The following CMSS1 variants were observed in gnomAD, a reference collection of about 807,000 sequenced individuals.
CMSS1 encodes cms1 ribosomal small subunit homolog, also known as protein CMSS1.
CMSS1 carries 33 observed loss-of-function variants against 43.5 expected under a neutral mutation model. That is an observed-to-expected ratio of 0.76 (90% CI 0.57 to 1.01). The LOEUF (loss-of-function observed/expected upper bound fraction) is 1.01. Ranked by LOEUF, CMSS1 falls within the 50% of genes least tolerant of loss-of-function variation. The pLI is 0.00. For synonymous variants in CMSS1, 115 were observed against 117.2 expected, an observed-to-expected ratio of 0.98 and a Z score of 0.12; for missense variants, 313 against 326.4, an observed-to-expected ratio of 0.96 and a Z score of 0.32.
intron 1 of CMSS1, among the ~76,000 whole-genome samples, chr3:99,915,238 T>C (rs1706915568): frequency 6.6e-6 from 1 of 152,222 alleles, no homozygotes; most frequent in Admixed American, 6.5e-5. Context: ...GAGAGATTAA[T>C]GGAAAATAAT....
intron 1 of CMSS1, among the ~76,000 whole-genome samples, chr3:99,929,031 A>G (rs983749230): frequency 1.3e-5 from 2 of 152,224 alleles, no homozygotes; most frequent in African/African-American, 4.8e-5. Context: ...GCCAGAGTTT[A>G]TTTGAGGGAA....
At chr3:99,951,144 T>C (rs1451955388) in intron 1 of CMSS1, among the ~76,000 whole-genome samples, 1 of 152,214 alleles carries the variant, frequency 6.6e-6, no homozygotes, top group African/African-American at 2.4e-5. Context: ...TGCTCACTGC[T>C]TGGGCCTCTT....
At chr3:100,134,626 C>G (rs949767467) in intron 1 of CMSS1, among the ~76,000 whole-genome samples, 2 of 152,030 alleles carry the variant, frequency 1.3e-5, no homozygotes, top group Non-Finnish European at 2.9e-5. Context: ...CCAAGGCAAA[C>G]CAGGATATAT....
At chr3:100,171,779 A>G in intron 6 of CMSS1, 60 bp from the exon 7 acceptor site, 1 of 1,274,054 alleles carries the variant, frequency 7.8e-7, no homozygotes, top group Non-Finnish European at 1.1e-6. Flanking sequence ...ATACTTAAGT[A>G]GTCATCGTGG....
chr3:100,122,905 T>G (rs73144468), intron 1 of CMSS1, among the ~76,000 whole-genome samples: 4,534 of 152,316 alleles, frequency 0.03, 134 homozygotes, highest in East Asian at 0.17. Context: ...GATGGCCTTC[T>G]TTACAAAAAA....
intron 1 of CMSS1, among the ~76,000 whole-genome samples, chr3:99,851,686 A>G (rs775592356): frequency 6.6e-6 from 1 of 152,214 alleles, no homozygotes; most frequent in Non-Finnish European, 1.5e-5. Flanking sequence ...AAAGTGTTCA[A>G]TTAATGTTTG....
intron 1 of CMSS1, among the ~76,000 whole-genome samples, chr3:99,929,675 G>A (rs1249669228): frequency 6.6e-6 from 1 of 152,138 alleles, no homozygotes; most frequent in African/African-American, 2.4e-5. Context: ...GACGCATCCT[G>A]TCTATGGTTC....
At chr3:99,981,375 T>C (rs541304161) in intron 1 of CMSS1, among the ~76,000 whole-genome samples, 1 of 152,314 alleles carries the variant, frequency 6.6e-6, no homozygotes, top group African/African-American at 2.4e-5. Flanking sequence ...CCATCTGGCT[T>C]CTGTGGGATC....
intron 1 of CMSS1, among the ~76,000 whole-genome samples, chr3:100,043,226 A>G (rs1386530637): frequency 6.6e-6 from 1 of 152,230 alleles, no homozygotes; most frequent in Non-Finnish European, 1.5e-5. Flanking sequence ...GTTGTGCCTT[A>G]TCTGCTCTCT....
chr3:100,021,797 TCC>T (rs1341940252), intron 1 of CMSS1, among the ~76,000 whole-genome samples: 2 of 152,146 alleles, frequency 1.3e-5, no homozygotes, highest in African/African-American at 4.8e-5. Flanking sequence ...GCTTTAGATA[TCC>T]CCTAAATGAT....
chr3:100,108,190 A>G (rs949067659), intron 1 of CMSS1, among the ~76,000 whole-genome samples: 1 of 152,146 alleles, frequency 6.6e-6, no homozygotes, highest in South Asian at 2.1e-4. Context: ...CAGGGAATCC[A>G]AAGTTTTGTG....
In CMSS1 at chr3:100,180,027, A is replaced by G. The variant is rs2067175077; in HGVS notation, c.*1639A>G. The G allele has an allele frequency of 6.6e-6, 1 of 152,396 alleles. No homozygotes were observed. The highest frequency in any genetic ancestry group is 6.5e-5 in the Admixed American group (1 of 15,294). The allele number at this position is 152,396 out of a possible 1,614,324, so 9.4% of individuals were successfully genotyped here. A position where few individuals can be genotyped will look rare whatever the true frequency, so the allele number is the denominator to read the frequency against. ...CTTGGGGCTTGCACCCTCTGAAGCA[A>G]TGGTTCAGCTGTACCTTGGCCCCTT... On this transcript the variant is annotated 3_prime_UTR_variant, in exon 10 of 10. Coordinates refer to ENST00000421999, the MANE Select transcript of CMSS1 (RefSeq NM_032359.4).
At chr3:99,894,332 T>C (rs1238121454) in intron 1 of CMSS1, among the ~76,000 whole-genome samples, 1 of 152,222 alleles carries the variant, frequency 6.6e-6, no homozygotes, top group African/African-American at 2.4e-5. Context: ...CATTTGTTCA[T>C]CTGTTGTGGG....
At chr3:100,101,033 A>C (rs1003387907) in intron 1 of CMSS1, among the ~76,000 whole-genome samples, 2 of 152,282 alleles carry the variant, frequency 1.3e-5, no homozygotes, top group East Asian at 3.9e-4. Context: ...GTAGGATAGC[A>C]GCCTTCAGAT....
At chr3:99,994,213 G>A (rs185936891) in intron 1 of CMSS1, among the ~76,000 whole-genome samples, 1 of 152,220 alleles carries the variant, frequency 6.6e-6, no homozygotes, top group East Asian at 1.9e-4. Context: ...TAGGTTTTGT[G>A]TTTCCAGCAT....
chr3:100,098,260 G>A (rs941307171), intron 1 of CMSS1, among the ~76,000 whole-genome samples: 1 of 152,216 alleles, frequency 6.6e-6, no homozygotes, highest in Non-Finnish European at 1.5e-5. Context: ...ATAAGCTTCA[G>A]TAGAAGGAGG....
chr3:99,984,414 T>A (rs12496041), intron 1 of CMSS1, among the ~76,000 whole-genome samples: 26,096 of 152,172 alleles, frequency 0.17, 2,275 homozygotes, highest in South Asian at 0.2. Context: ...GAGGCACCAG[T>A]TAGTCTGCAT....
chr3:100,030,644 C>T (rs1172276493), intron 1 of CMSS1, among the ~76,000 whole-genome samples: 1 of 152,144 alleles, frequency 6.6e-6, no homozygotes, highest in Admixed American at 6.6e-5. Flanking sequence ...CATGAGTAAT[C>T]ATTGTCCCCA....
chr3:99,909,832 G>A (rs1430475643), intron 1 of CMSS1, among the ~76,000 whole-genome samples: 1 of 152,104 alleles, frequency 6.6e-6, no homozygotes, highest in Non-Finnish European at 1.5e-5. Context: ...AAATTGCATG[G>A]AGAGTAGGTG....
Sources: gnomAD v4.1 joint callset for allele counts (sites outside exome capture counted in the v4.1 genomes callset) on GRCh38, gnomAD v4.1.1 for gene constraint, MANE v1.5 for transcripts, NCBI Gene and HGNC (gene_info 2026-07-23, HGNC 2026-07-21) for gene names.